The following DLC1 variants were observed in gnomAD, a reference collection of about 807,000 sequenced individuals.
The protein encoded by DLC1 is DLC1 Rho GTPase activating protein, also known as rho GTPase-activating protein 7.
DLC1 carries 54 observed loss-of-function variants against 140.3 expected under a neutral mutation model. The ratio of observed to expected loss-of-function variants is 0.38; its 90% CI spans 0.31 to 0.48. The LOEUF (loss-of-function observed/expected upper bound fraction) is 0.48, where lower values mean the gene tolerates loss of function less well. Ranked by LOEUF, DLC1 falls within the 20% of genes least tolerant of loss-of-function variation. The pLI is 0.96. For missense variants in DLC1, 2,536 were observed against 1,907.0 expected (o/e 1.33, Z -6.14); for synonymous variants, 986 against 728.1 (o/e 1.35, Z -5.70).
At chr8:13,503,867 A>C (rs930776186) in intron 1 of DLC1, among the ~76,000 whole-genome samples, 4 of 152,194 alleles carry the variant, frequency 2.6e-5, no homozygotes, top group African/African-American at 4.8e-5. Flanking sequence ...ATAGATATCT[A>C]TCTGTGGTAA....
intron 1 of DLC1, among the ~76,000 whole-genome samples, chr8:13,514,055 C>T (rs553703751): frequency 6.6e-6 from 1 of 151,430 alleles, no homozygotes; most frequent in East Asian, 1.9e-4. Context: ...TTTAAATGAA[C>T]CTTTTAAGCT....
At chr8:13,550,439 T>C (rs1448217896) in intron 1 of DLC1, among the ~76,000 whole-genome samples, 1 of 152,096 alleles carries the variant, frequency 6.6e-6, no homozygotes, top group East Asian at 1.9e-4. Context: ...TTTGTAGCAA[T>C]GTGAGAAGAC....
At chr8:13,443,991 T>G (rs984465221) in intron 2 of DLC1, among the ~76,000 whole-genome samples, 1 of 152,178 alleles carries the variant, frequency 6.6e-6, no homozygotes, top group Non-Finnish European at 1.5e-5. Context: ...GTATGAATCA[T>G]GGCCATGATG....
At chr8:13,247,596 G>A (rs1249466304) in intron 5 of DLC1, among the ~76,000 whole-genome samples, 1 of 152,132 alleles carries the variant, frequency 6.6e-6, no homozygotes, top group Non-Finnish European at 1.5e-5. Flanking sequence ...AGCACAGAAT[G>A]GAGATCTAAA....
In DLC1 at chr8:13,499,711, G is replaced by C. The variant is rs1026909646; in HGVS notation, c.361C>G (p.Leu121Val). 5 of 1,613,982 alleles carry C rather than the reference G, an allele frequency of 3.1e-6. No individual in the cohort carries two copies. Among genetic ancestry groups the C allele is most frequent in the African/African-American group, 2.7e-5 (2 of 74,876 alleles). The change falls in exon 2 of 18, where the codon CTT becomes GTT. Residue 121 changes from leucine to valine, a missense_variant. Physicochemically the swap from Leu to Val is conservative, Grantham distance 32. Transcript: ENST00000276297. ...TTTAAAACCTGTTTATCATCTGTAA[G>C]GCATAAATCAGCATTGTTATCCTCA... ...SDEDNNADLC[L>V]TDDKQVLNTQ...
chr8:13,507,055 A>T (rs576368589), intron 1 of DLC1, among the ~76,000 whole-genome samples: 13 of 152,326 alleles, frequency 8.5e-5, no homozygotes, highest in African/African-American at 2.6e-4. Flanking sequence ...ACATGATCAC[A>T]GGAGCACAAC....
At chr8:13,466,526 G>A (rs1050946437) in intron 2 of DLC1, among the ~76,000 whole-genome samples, 2 of 152,158 alleles carry the variant, frequency 1.3e-5, no homozygotes, top group African/African-American at 2.4e-5. Flanking sequence ...AACATTTCCT[G>A]TGGGAGAGAT....
intron 4 of DLC1, among the ~76,000 whole-genome samples, chr8:13,364,552 C>T (rs1473305834): frequency 1.3e-5 from 2 of 152,190 alleles, no homozygotes; most frequent in Non-Finnish European, 2.9e-5. Flanking sequence ...CCGCCTTGGC[C>T]TTCCAAAGTG....
In DLC1 at chr8:13,391,514, A is replaced by T. The variant is rs1481253535; in HGVS notation, c.1314+2039T>A. ...GGGTGGTCAATTGATGGCAAAACAA[A>T]AAAAAATTGAAGAAAGATTCCATCA... On this transcript the variant is annotated intron_variant, in intron 4 of 17. Transcript: ENST00000276297. Among the ~76,000 whole-genome samples, 3 of 152,216 alleles carry T rather than the reference A, an allele frequency of 2.0e-5. No homozygotes were observed. The East Asian group carries it at 5.8e-4, about 29-fold the overall frequency.
intron 4 of DLC1, among the ~76,000 whole-genome samples, chr8:13,311,569 T>C (rs1832665882): frequency 6.6e-6 from 1 of 152,246 alleles, no homozygotes; most frequent in Non-Finnish European, 1.5e-5. Context: ...GGACACATCT[T>C]ATTTAATAAA....
At chr8:13,180,068 A>G (rs1825953199) in intron 5 of DLC1, among the ~76,000 whole-genome samples, 1 of 152,168 alleles carries the variant, frequency 6.6e-6, no homozygotes, top group South Asian at 2.1e-4. Context: ...AATCGTATGT[A>G]GTATTAGCAA....
At chr8:13,243,848 T>G in intron 5 of DLC1, among the ~76,000 whole-genome samples, 1 of 152,226 alleles carries the variant, frequency 6.6e-6, no homozygotes, top group South Asian at 2.1e-4. Flanking sequence ...TCTTCCTATT[T>G]GTTGATGACT....
chr8:13,396,713 C>A (rs1046050688), intron 3 of DLC1, among the ~76,000 whole-genome samples: 9 of 152,136 alleles, frequency 5.9e-5, no homozygotes, highest in Non-Finnish European at 1.3e-4. Flanking sequence ...GCCTCAAACA[C>A]AACTAAATAA....
At chr8:13,250,667 T>C (rs1217335510) in intron 5 of DLC1, among the ~76,000 whole-genome samples, 1 of 152,156 alleles carries the variant, frequency 6.6e-6, no homozygotes. Flanking sequence ...CATTGCTGTG[T>C]AAGTCTACTG....
chr8:13,299,920 T>C (rs1296176722), intron 5 of DLC1, among the ~76,000 whole-genome samples: 1 of 152,116 alleles, frequency 6.6e-6, no homozygotes, highest in Non-Finnish European at 1.5e-5. Context: ...GAGTCAGCAA[T>C]CGCATTACTG....
intron 2 of DLC1, among the ~76,000 whole-genome samples, chr8:13,432,963 T>TTC (rs1838953227): frequency 6.7e-6 from 1 of 148,934 alleles, no homozygotes; most frequent in African/African-American, 2.5e-5. Context: ...TTTTTTTTTT[T>TTC]TTCCTTTTTC....
At position 13,535,941 on chromosome 8, in the gene DLC1, T is replaced by C. The variant is rs934770374; in HGVS notation, c.-125-35745A>G. 3.9e-5 allele frequency: 6 copies of C among 152,098 alleles called. No homozygotes were observed. In the East Asian group the frequency reaches 7.7e-4, roughly 20 times the overall value. The allele number at this position is 152,098 out of a possible 1,614,324, so 9.4% of individuals were successfully genotyped here. ...GAATTATGTAAGTGTTAGCAAGAAT[T>C]TTTTAAGCTCTTAACACATTCAGGA... On this transcript the variant is annotated intron_variant, in intron 1 of 1. Coordinates refer to the DLC1 transcript ENST00000631382.
chr8:13,337,804 A>C (rs1055035870), intron 4 of DLC1, among the ~76,000 whole-genome samples: 6 of 152,208 alleles, frequency 3.9e-5, no homozygotes, highest in Non-Finnish European at 8.8e-5. Flanking sequence ...GAAAAGTATA[A>C]TACCATATTA....
chr8:13,584,625 T>G (rs73212157), intron 1 of DLC1: 4 of 152,158 alleles, frequency 2.6e-5, no homozygotes, highest in African/African-American at 7.2e-5. Flanking sequence ...GTAGAAGTCA[T>G]GCTTTATGGG....
Sources: gnomAD v4.1 joint callset for allele counts (sites outside exome capture counted in the v4.1 genomes callset) on GRCh38, gnomAD v4.1.1 for gene constraint, MANE v1.5 for transcripts, NCBI Gene and HGNC (gene_info 2026-07-23, HGNC 2026-07-21) for gene names.